ARHGAP20: variants seen among roughly 807,000 people sequenced by gnomAD.
ARHGAP20 encodes Rho GTPase activating protein 20.
ARHGAP20 carries 34 observed loss-of-function variants against 73.7 expected under a neutral mutation model. The ratio of observed to expected loss-of-function variants is 0.46; its 90% confidence interval spans 0.35 to 0.61. The LOEUF (loss-of-function observed/expected upper bound fraction) is 0.61. ARHGAP20 is among the 20% of genes least tolerant of loss of function. ARHGAP20 has a pLI of 0.00. For missense variants in ARHGAP20, 1,314 were observed against 1,420.9 expected (o/e 0.92, Z 1.21); for synonymous variants, 523 against 518.2 (o/e 1.01, Z -0.13).
At chr11:110,636,235 T>A (rs542366627) in intron 2 of ARHGAP20, among the ~76,000 whole-genome samples, 4 of 152,094 alleles carry the variant, frequency 2.6e-5, no homozygotes, top group Non-Finnish European at 5.9e-5. Flanking sequence ...TATACATAAA[T>A]GAACAGGTGT....
intron 2 of ARHGAP20, among the ~76,000 whole-genome samples, chr11:110,675,539 C>T (rs914726428): frequency 6.6e-6 from 1 of 152,088 alleles, no homozygotes; most frequent in Non-Finnish European, 1.5e-5. Flanking sequence ...ACTATTCCAC[C>T]TCAGATTATC....
chr11:110,680,612 A>C (rs1339229109), intron 2 of ARHGAP20, among the ~76,000 whole-genome samples: 5 of 152,186 alleles, frequency 3.3e-5, no homozygotes, highest in Admixed American at 2.0e-4. Flanking sequence ...GCAATTAGCA[A>C]ATTAACCTAA....
chr11:110,579,549 G>A lies in ARHGAP20; in HGVS notation c.3397C>T (p.Leu1133Phe). 6.2e-7 allele frequency: 1 copy of A among 1,614,004 alleles called. No homozygotes were observed. Among genetic ancestry groups the A allele is most frequent in the Non-Finnish European group, 8.5e-7 (1 of 1,179,874 alleles). The change falls in exon 15 of 15, where the codon CTT becomes TTT. Residue 1133 changes from leucine to phenylalanine, a missense_variant. Physicochemically the swap from Leu to Phe is conservative, Grantham distance 22. Around this residue, in one of 3 missense-constraint regions of ARHGAP20, gnomAD observed 641 missense variants for 636.9 expected, o/e 1.01. Coordinates refer to ENST00000683387, the MANE Select transcript of ARHGAP20 (RefSeq NM_001384657.1). ...TCATGTGACTTCATGCACAGCTTAA[G>A]TCTGCTCTCCACCAGGCTGAATGGA... ...SSPFSLVESR[L>F]KLCMKSHEEI...
chr11:110,653,441 C>T (rs1949399340), intron 2 of ARHGAP20, among the ~76,000 whole-genome samples: 1 of 152,108 alleles, frequency 6.6e-6, no homozygotes, highest in African/African-American at 2.4e-5. Flanking sequence ...CAAAAGAAGA[C>T]ATTTATGTGG....
intron 4 of ARHGAP20, among the ~76,000 whole-genome samples, chr11:110,620,797 C>T (rs1000219209): frequency 3.9e-5 from 6 of 152,064 alleles, no homozygotes; most frequent in African/African-American, 7.2e-5. Context: ...GTCAGCTGGG[C>T]GCGGTGGCTC....
chr11:110,611,422 A>G, intron 6 of ARHGAP20, 36 bp from the exon 7 acceptor site: 1 of 1,107,076 alleles, frequency 9.0e-7, no homozygotes, highest in South Asian at 1.6e-5. Flanking sequence ...GCTATAAAAT[A>G]ATGAATTTTA....
At chr11:110,622,570 T>C (rs1030111504) in intron 4 of ARHGAP20, among the ~76,000 whole-genome samples, 5 of 152,232 alleles carry the variant, frequency 3.3e-5, no homozygotes, top group Non-Finnish European at 7.3e-5. Flanking sequence ...TTTTCTGTTC[T>C]AGAAGCTAAT....
chr11:110,660,061 CA>C (rs746439426), intron 2 of ARHGAP20, among the ~76,000 whole-genome samples: 2,442 of 69,220 alleles, frequency 0.035, 36 homozygotes, highest in South Asian at 0.064. Context: ...TAATAAAAAA[CA>C]AAAAAAAAAA....
chr11:110,584,084 C>A (rs11213489), intron 12 of ARHGAP20, among the ~76,000 whole-genome samples: 7 of 152,080 alleles, frequency 4.6e-5, no homozygotes, highest in African/African-American at 1.7e-4. Context: ...ATATTTTCAA[C>A]CAAAAACAAC....
Position 110,606,750 on chromosome 11 carries a change from C to A in ARHGAP20, c.776-1G>T. ...TTAATTCCATATGGATATTCATGCC[C>A]TACACAGAGACAAATCTAAATGTAG... On this transcript the variant is annotated splice_acceptor_variant, in intron 8 of 14. Transcript: ENST00000683387. LOFTEE classifies it high-confidence loss of function. 1 of 1,532,774 alleles carries A rather than the reference C, an allele frequency of 6.5e-7. No homozygotes were observed. Among genetic ancestry groups the A allele is most frequent in the South Asian group, 1.3e-5 (1 of 78,666 alleles). 94.9% of individuals were successfully genotyped at this position (1,532,774 alleles called of 1,614,324 possible).
At chr11:110,618,427 A>G (rs898610843) in intron 4 of ARHGAP20, among the ~76,000 whole-genome samples, 1 of 152,252 alleles carries the variant, frequency 6.6e-6, no homozygotes, top group African/African-American at 2.4e-5. Context: ...TCTGATTCTT[A>G]TAGACCATTG....
At chr11:110,644,997 T>TTCTCTC (rs71476091) in intron 2 of ARHGAP20, among the ~76,000 whole-genome samples, 103,363 of 150,372 alleles carry the variant, frequency 0.69, 35,828 homozygotes, top group Admixed American at 0.75. Context: ...GAACAGACAC[T>TTCTCTC]TCTCTCTCTC....
chr11:110,618,263 A>G (rs1948530224), intron 4 of ARHGAP20, among the ~76,000 whole-genome samples: 1 of 152,200 alleles, frequency 6.6e-6, no homozygotes, highest in Non-Finnish European at 1.5e-5. Context: ...TACCTTACAA[A>G]AACAGCAGTT....
At chr11:110,621,644 T>C (rs1948631915) in intron 4 of ARHGAP20, among the ~76,000 whole-genome samples, 1 of 152,270 alleles carries the variant, frequency 6.6e-6, no homozygotes, top group South Asian at 2.1e-4. Flanking sequence ...ATATTTCCTA[T>C]CTTTTTATTA....
intron 2 of ARHGAP20, among the ~76,000 whole-genome samples, chr11:110,659,795 A>G (rs1240155930): frequency 6.6e-6 from 1 of 152,030 alleles, no homozygotes; most frequent in African/African-American, 2.4e-5. Flanking sequence ...TCAGTAAACT[A>G]TCGCAAGAAC....
intron 3 of ARHGAP20, among the ~76,000 whole-genome samples, chr11:110,626,166 C>A (rs1328523673): frequency 6.6e-6 from 1 of 152,144 alleles, no homozygotes; most frequent in African/African-American, 2.4e-5. Context: ...ACTGTTAAAA[C>A]TACACATTTT....
At chr11:110,678,973 T>C (rs562805221) in intron 2 of ARHGAP20, among the ~76,000 whole-genome samples, 1 of 152,118 alleles carries the variant, frequency 6.6e-6, no homozygotes, top group South Asian at 2.1e-4. Flanking sequence ...GCCAAACAAA[T>C]ATTTATTACC....
intron 12 of ARHGAP20, among the ~76,000 whole-genome samples, chr11:110,585,056 AAT>A (rs1565421962): frequency 6.9e-6 from 1 of 144,600 alleles, no homozygotes; most frequent in African/African-American, 2.5e-5. Context: ...TGAATATATG[AAT>A]ATATGTGAAC....
intron 5 of ARHGAP20, among the ~76,000 whole-genome samples, chr11:110,615,258 G>T (rs1001266361): frequency 6.6e-6 from 1 of 152,174 alleles, no homozygotes; most frequent in African/African-American, 2.4e-5. Context: ...GCTCCAATTG[G>T]TAGGCTGGAG....
Sources: gnomAD v4.1 joint callset for allele counts (sites outside exome capture counted in the v4.1 genomes callset) on GRCh38, gnomAD v4.1.1 for gene constraint, gnomAD v4.1.1 regional missense constraint, MANE v1.5 for transcripts, NCBI Gene and HGNC (gene_info 2026-07-23, HGNC 2026-07-21) for gene names.